MYO9A: variants seen among roughly 807,000 people sequenced by gnomAD.
MYO9A encodes myosin IXA, also known as unconventional myosin-IXa.
In MYO9A, 103 loss-of-function variants were observed where a neutral mutation model predicts 293.3. That is an observed-to-expected ratio of 0.35 (90% CI 0.30 to 0.41). The LOEUF (loss-of-function observed/expected upper bound fraction) is 0.41, where lower values mean the gene tolerates loss of function less well. MYO9A is among the 10% of genes least tolerant of loss of function. MYO9A has a pLI of 1.00. For synonymous variants in MYO9A, 1,001 were observed against 1,035.7 expected, an observed-to-expected ratio of 0.97 and a Z score of 0.64; for missense variants, 2,685 against 3,033.0, an observed-to-expected ratio of 0.89 and a Z score of 2.69.
chr15:72,111,638 A>AT lies in MYO9A; in HGVS notation c.-72+6041dup, dbSNP rs11286964. Among the ~76,000 whole-genome samples the AT allele has an allele frequency of 0.033, 4,503 of 135,468 alleles. 531 individuals are homozygous for AT. The East Asian group carries it at 0.41, about 12-fold the overall frequency. 88.9% of individuals were successfully genotyped at this position (135,468 alleles called of 152,430 possible). ...TCTTATGAGGCAAATATTACCCCCA[A>AT]TTTTTTTTTTTTTTTTGAGGCAGGG... On this transcript the variant is annotated intron_variant, in intron 1 of 41. Coordinates refer to ENST00000356056, the MANE Select transcript of MYO9A (RefSeq NM_006901.4).
chr15:71,914,986 G>A (rs1264267991), intron 19 of MYO9A, among the ~76,000 whole-genome samples: 1 of 152,042 alleles, frequency 6.6e-6, no homozygotes, highest in Non-Finnish European at 1.5e-5. Context: ...CGAGATTAAT[G>A]TTCCCTTTTC....
At chr15:72,056,284 C>T (rs2078716387) in intron 1 of MYO9A, among the ~76,000 whole-genome samples, 1 of 152,146 alleles carries the variant, frequency 6.6e-6, no homozygotes, top group South Asian at 2.1e-4. Context: ...AAAGATACTC[C>T]CACAGGCATG....
At chr15:71,979,902 T>C (rs1281711176) in intron 11 of MYO9A, among the ~76,000 whole-genome samples, 3 of 152,222 alleles carry the variant, frequency 2.0e-5, no homozygotes, top group Non-Finnish European at 4.4e-5. Flanking sequence ...TCTAAAAAGG[T>C]TCCAGGTGAT....
chr15:71,902,633 A>G (rs2057518410), intron 22 of MYO9A, among the ~76,000 whole-genome samples: 1 of 152,160 alleles, frequency 6.6e-6, no homozygotes, highest in Non-Finnish European at 1.5e-5. Flanking sequence ...AGAGAAAGAA[A>G]GTATTTGATA....
intron 12 of MYO9A, among the ~76,000 whole-genome samples, chr15:71,970,461 AT>A (rs1461897296): frequency 6.6e-6 from 1 of 152,220 alleles, no homozygotes; most frequent in Non-Finnish European, 1.5e-5. Context: ...TATAAAAAAT[AT>A]TTTTAGAGAA....
chr15:71,975,101 G>A (rs188085136), intron 12 of MYO9A, among the ~76,000 whole-genome samples: 1 of 152,298 alleles, frequency 6.6e-6, no homozygotes, highest in African/African-American at 2.4e-5. Context: ...TCTGGAATCT[G>A]ACAAGACTGA....
chr15:72,008,805 T>A (rs764760201), intron 7 of MYO9A, among the ~76,000 whole-genome samples: 3 of 152,254 alleles, frequency 2.0e-5, no homozygotes, highest in Non-Finnish European at 4.4e-5. Flanking sequence ...CTCAGTCTCC[T>A]TATATATATA....
intron 17 of MYO9A, among the ~76,000 whole-genome samples, chr15:71,934,786 CTTTTTTTTTT>C (rs1167613386): frequency 1.1e-4 from 7 of 61,792 alleles, no homozygotes; most frequent in East Asian, 9.7e-4. Flanking sequence ...CTTTTCTTTT[CTTTTTTTTTT>C]TTTTTTTTTT....
intron 31 of MYO9A, among the ~76,000 whole-genome samples, chr15:71,876,759 G>A (rs890524828): frequency 2.0e-5 from 3 of 151,914 alleles, no homozygotes; most frequent in African/African-American, 4.8e-5. Flanking sequence ...TTTACTTCCC[G>A]TATTTTAGCT....
chr15:72,015,304 G>C (rs933746703), intron 6 of MYO9A, among the ~76,000 whole-genome samples: 2 of 152,118 alleles, frequency 1.3e-5, no homozygotes, highest in Admixed American at 1.3e-4. Flanking sequence ...TTTGGCAGTA[G>C]GAATCTTTAT....
At position 71,883,626 on chromosome 15, in the gene MYO9A, G is replaced by A; in HGVS notation, c.5366C>T (p.Thr1789Ile). 1 of 1,613,510 alleles carries A rather than the reference G, an allele frequency of 6.2e-7. No homozygotes were observed. The stretch of plus-strand genomic sequence containing the variant: ...AAACTGATGAGCTGGAATCACATCT[G>A]TGCCTGCAAAGAGTGGCGAAACCTC... ...QSEVSPLFAG[T>I]DVIPAHQFPD... Residue 1789 changes from threonine to isoleucine, a missense_variant, in exon 28 of 42, where the codon ACA (threonine) becomes ATA (isoleucine). Transcript: ENST00000356056.
At chr15:72,061,603 C>A (rs1010867712) in intron 1 of MYO9A, among the ~76,000 whole-genome samples, 2 of 151,802 alleles carry the variant, frequency 1.3e-5, no homozygotes, top group African/African-American at 4.8e-5. Context: ...ACTCCTTCTG[C>A]CTACGGAAAG....
At chr15:71,876,604 T>G (rs759640402) in intron 31 of MYO9A, among the ~76,000 whole-genome samples, 1 of 151,628 alleles carries the variant, frequency 6.6e-6, no homozygotes, top group Non-Finnish European at 1.5e-5. Context: ...CCTGGCTAAT[T>G]TTTGTATATT....
chr15:72,042,271 A>G (rs1469839974), intron 2 of MYO9A, among the ~76,000 whole-genome samples: 2 of 151,938 alleles, frequency 1.3e-5, no homozygotes, highest in Non-Finnish European at 2.9e-5. Context: ...AGGCTGAAGC[A>G]GGAGAACCAT....
chr15:72,085,213 T>A (rs2079678650), intron 1 of MYO9A, among the ~76,000 whole-genome samples: 1 of 152,020 alleles, frequency 6.6e-6, no homozygotes, highest in South Asian at 2.1e-4. Context: ...GCCAACATGG[T>A]AAAGCCCCGT....
chr15:71,977,042 A>G (rs2076162512), intron 12 of MYO9A, among the ~76,000 whole-genome samples: 1 of 152,208 alleles, frequency 6.6e-6, no homozygotes, highest in South Asian at 2.1e-4. Flanking sequence ...ATCTCTTAGG[A>G]TAATCAACTG....
Position 71,826,810 on chromosome 15 carries a change from C to G in MYO9A, c.7417G>C (p.Gly2473Arg). Residue 2473 changes from glycine to arginine, a missense_variant, in exon 42 of 42, where the codon GGA becomes CGA. Around this residue, in one of 10 missense-constraint regions of MYO9A, gnomAD observed 350 missense variants for 328.9 expected, o/e 1.06. Transcript: ENST00000356056. ...AGGAATTTGGTCTGGCCCAATGGTCCTTCCATTCCCAGGGCCTCATTACCT... is the reference window on the plus strand; with the variant it reads ...AGGAATTTGGTCTGGCCCAATGGTCGTTCCATTCCCAGGGCCTCATTACCT... ...ASGNEALGMEGPLGQTKFLED... is the reference protein window; with the variant it reads ...ASGNEALGMERPLGQTKFLED... 6.2e-7 allele frequency: 1 copy of G among 1,614,134 alleles called. No homozygotes were observed. The highest frequency in any genetic ancestry group is 1.1e-5 in the South Asian group (1 of 91,074).
chr15:71,895,506 C>G (rs935406387), intron 25 of MYO9A, among the ~76,000 whole-genome samples: 1 of 152,122 alleles, frequency 6.6e-6, no homozygotes, highest in Non-Finnish European at 1.5e-5. Flanking sequence ...AGCCATTTCT[C>G]TAAATACATG....
chr15:72,035,275 T>G (rs182948844), intron 2 of MYO9A, among the ~76,000 whole-genome samples: 1 of 152,358 alleles, frequency 6.6e-6, no homozygotes, highest in Non-Finnish European at 1.5e-5. Flanking sequence ...CCCTCCTGGC[T>G]ATTTACTACT....
Sources: gnomAD v4.1 joint callset for allele counts (sites outside exome capture counted in the v4.1 genomes callset) on GRCh38, gnomAD v4.1.1 for gene constraint, gnomAD v4.1.1 regional missense constraint, MANE v1.5 for transcripts, NCBI Gene and HGNC (gene_info 2026-07-23, HGNC 2026-07-21) for gene names.